Variants in UGGT1 observed in about 807,000 individuals in gnomAD.
UGGT1 encodes the protein UDP-glucose glycoprotein glucosyltransferase 1.
A neutral mutation model predicts 203.9 loss-of-function variants in UGGT1; 107 were observed. That is an observed-to-expected ratio of 0.52 (90% CI 0.45 to 0.62). The LOEUF (loss-of-function observed/expected upper bound fraction) is 0.62, where lower values mean the gene tolerates loss of function less well. Among genes scored for constraint, UGGT1 ranks in the 20% least tolerant of loss-of-function variants. The pLI is 0.00. For missense variants in UGGT1, 1,673 were observed against 1,867.2 expected (o/e 0.90, Z 1.92); for synonymous variants, 628 against 653.5 (o/e 0.96, Z 0.59).
rs763696808 is a variant in UGGT1 at position 128,113,224 on chromosome 2, G to C, written c.662G>C (p.Gly221Ala). 5.6e-5 allele frequency: 90 copies of C among 1,611,794 alleles called. No homozygotes were observed. Among genetic ancestry groups the C allele is most frequent in the Middle Eastern group, 1.6e-4 (1 of 6,074 alleles). The change falls in exon 6 of 41, where the codon GGC becomes GCC. Residue 221 changes from glycine (G) to alanine (A), a missense_variant. Gly to Ala is a moderately conservative substitution (Grantham distance 60, BLOSUM62 0). Transcript: ENST00000259253. ...CAGCTTATATCAAAAAGCAATGCAGGCAAAATCAATTATGTATTCAGACAT... is the reference window on the plus strand; with the variant it reads ...CAGCTTATATCAAAAAGCAATGCAGCCAAAATCAATTATGTATTCAGACAT... Reference protein sequence around the residue: ...HRQLISKSNAGKINYVFRHYI... With the variant: ...HRQLISKSNAAKINYVFRHYI...
At chr2:128,133,906 T>G (rs1476900712) in intron 14 of UGGT1, among the ~76,000 whole-genome samples, 1 of 152,184 alleles carries the variant, frequency 6.6e-6, no homozygotes, top group Non-Finnish European at 1.5e-5. Context: ...TGGCCCACTT[T>G]TTCCCTCTCA....
At chr2:128,176,963 G>GT in intron 32 of UGGT1, 65 bp downstream of exon 32, 1 of 1,484,010 alleles carries the variant, frequency 6.7e-7, no homozygotes, top group Non-Finnish European at 9.4e-7. Context: ...TATGTATCTT[G>GT]GAACCAGCCC....
chr2:128,101,201 C>T (rs1207187240), intron 2 of UGGT1, among the ~76,000 whole-genome samples: 1 of 152,140 alleles, frequency 6.6e-6, no homozygotes, highest in African/African-American at 2.4e-5. Context: ...TAGCAGAGCC[C>T]ACCATTCTTC....
intron 38 of UGGT1, 120 bp downstream of exon 38, chr2:128,183,909 GGTGTGT>G (rs558911313): frequency 3.5e-5 from 12 of 340,418 alleles, no homozygotes; most frequent in African/African-American, 1.5e-4. Context: ...GTTTTTTCAT[GGTGTGT>G]GTGTGTGTGT....
At chr2:128,109,089 G>A (rs912034346) in intron 4 of UGGT1, among the ~76,000 whole-genome samples, 6 of 151,954 alleles carry the variant, frequency 3.9e-5, no homozygotes, top group Non-Finnish European at 8.8e-5. Context: ...ACAGGATTTC[G>A]CCGTGTTGGC....
At position 128,170,426 on chromosome 2, in the gene UGGT1, G is replaced by A. The variant is rs745808179; in HGVS notation, c.3024+36G>A. On this transcript the variant is annotated intron_variant, in intron 27 of 40. Coordinates refer to ENST00000259253, the MANE Select transcript of UGGT1 (RefSeq NM_020120.4). ...TGTGCAGGAAGTGTACATCACCTTT[G>A]TTTGAAGTTGTCACATGCTCTGAAA... 8.2e-6 allele frequency: 13 copies of A among 1,576,830 alleles called. No individual in the cohort carries two copies. In the African/African-American group the frequency reaches 1.6e-4, roughly 20 times the overall value.
chr2:128,093,825 CA>C (rs1482634502), intron 1 of UGGT1, among the ~76,000 whole-genome samples: 1 of 152,184 alleles, frequency 6.6e-6, no homozygotes, highest in Admixed American at 6.5e-5. Context: ...AGTGGAGATG[CA>C]TGCAGCATAT....
Position 128,173,902 on chromosome 2 carries a change from A to G in UGGT1, c.3416A>G (p.Asn1139Ser), listed in dbSNP as rs73955974. The G allele has an allele frequency of 9.2e-4, 1,482 of 1,614,040 alleles. 10 individuals are homozygous for G. In the African/African-American group the frequency reaches 0.015, roughly 16 times the overall value. ...CAGTTTACCTTAGGAACTTCAGCCAACCCGGTCATTGTGGACACCATTGTT... is the reference window on the plus strand; with the variant it reads ...CAGTTTACCTTAGGAACTTCAGCCAGCCCGGTCATTGTGGACACCATTGTT... Reference protein sequence around the residue: ...GLQFTLGTSANPVIVDTIVMA... With the variant: ...GLQFTLGTSASPVIVDTIVMA... Residue 1139 changes from asparagine to serine, a missense_variant, in exon 30 of 41, where the codon AAC becomes AGC. Physicochemically the swap from Asn to Ser is conservative, Grantham distance 46 (BLOSUM62 1). Transcript: ENST00000259253.
intron 30 of UGGT1, among the ~76,000 whole-genome samples, chr2:128,174,216 G>A (rs946172001): frequency 6.6e-6 from 1 of 151,976 alleles, no homozygotes; most frequent in African/African-American, 2.4e-5. Context: ...CTTTGGAAGT[G>A]CAACACTTAT....
intron 1 of UGGT1, among the ~76,000 whole-genome samples, chr2:128,096,053 A>G (rs1355022480): frequency 6.6e-6 from 1 of 152,134 alleles, no homozygotes; most frequent in African/African-American, 2.4e-5. Flanking sequence ...TGGACTTTGG[A>G]GATGAAAATC....
chr2:128,143,621 A>G (rs1689542773), intron 17 of UGGT1, among the ~76,000 whole-genome samples: 2 of 152,206 alleles, frequency 1.3e-5, no homozygotes, highest in African/African-American at 4.8e-5. Context: ...GATTGTGCTG[A>G]AAAATTGAAT....
intron 37 of UGGT1, 147 bp downstream of exon 37, chr2:128,182,437 T>A: frequency 2.8e-6 from 3 of 1,078,550 alleles, no homozygotes; most frequent in Admixed American, 3.2e-5. Context: ...CAGTGGCTCA[T>A]GCCTTAATCC....
In UGGT1 at chr2:128,159,667, G is replaced by A; in HGVS notation, c.2509G>A (p.Gly837Arg). 2 of 1,614,092 alleles carry A rather than the reference G, an allele frequency of 1.2e-6. No individual in the cohort carries two copies. The highest frequency in any genetic ancestry group is 1.1e-5 in the South Asian group (1 of 91,066). ...CTTCATCACCAAAATGGCCAAGGAG[G>A]GGGCTGCAGAGGCCCTGGCTGCAGG... ...KNFITKMAKE[G>R]AAEALAAGAD... is the part of the protein sequence containing the mutation. Residue 837 changes from glycine to arginine, a missense_variant, in exon 23 of 41, where the codon GGG becomes AGG. Physicochemically the swap from Gly to Arg is moderately radical, Grantham distance 125. This residue lies in a region of UGGT1 where 1,073 missense variants were observed against 1,078.7 expected (regional missense o/e 0.99). Transcript: ENST00000259253.
chr2:128,126,494 G>A (rs1310278847), intron 11 of UGGT1, among the ~76,000 whole-genome samples: 5 of 151,934 alleles, frequency 3.3e-5, no homozygotes, highest in South Asian at 4.2e-4. Context: ...CACCCGCCTC[G>A]GCCTCTCAAA....
chr2:128,145,767 A>C, intron 17 of UGGT1, 36 bp from the exon 18 acceptor site: 1 of 1,499,998 alleles, frequency 6.7e-7, no homozygotes, highest in Non-Finnish European at 8.9e-7. Flanking sequence ...CACAAAAGGC[A>C]AAAATATACT....
intron 3 of UGGT1, among the ~76,000 whole-genome samples, chr2:128,106,279 T>C (rs1306117282): frequency 6.6e-6 from 1 of 151,418 alleles, no homozygotes; most frequent in East Asian, 1.9e-4. Flanking sequence ...ATTTGAACTT[T>C]GACATTTAAA....
chr2:128,105,748 C>T lies in UGGT1; in HGVS notation c.277+1734C>T, dbSNP rs373268172. Among the ~76,000 whole-genome samples, 19 of 152,198 alleles carry T rather than the reference C, an allele frequency of 1.2e-4. No homozygotes were observed. The East Asian group carries it at 1.5e-3, about 12-fold the overall frequency. ...CACGCTGGTCTCAAACTCCTGACCTCAGGCAATCCACCCACCTCAGCCTCC... is the reference window on the plus strand; with the variant it reads ...CACGCTGGTCTCAAACTCCTGACCTTAGGCAATCCACCCACCTCAGCCTCC... On this transcript the variant is annotated intron_variant, in intron 3 of 40. Transcript: ENST00000259253.
At chr2:128,147,282 T>C (rs2105470548) in intron 18 of UGGT1, among the ~76,000 whole-genome samples, 1 of 152,340 alleles carries the variant, frequency 6.6e-6, no homozygotes, top group East Asian at 1.9e-4. Flanking sequence ...ATTGAGCCTC[T>C]CTAGTGAATG....
rs555113709 is a variant in UGGT1, at chr2:128,122,928, A to G, written c.1074-258A>G. On this transcript the variant is annotated intron_variant, in intron 10 of 40. Coordinates refer to ENST00000259253, the MANE Select transcript of UGGT1 (RefSeq NM_020120.4). ...GAGATCATATATAGAAATGGGGTGC[A>G]TATGTTTTAAGAACTTGGAAACAAC... Among the ~76,000 whole-genome samples the G allele has an allele frequency of 2.6e-5, 4 of 152,306 alleles. No individual in the cohort carries two copies. The East Asian group carries it at 7.7e-4, about 29-fold the overall frequency.
Sources: allele counts gnomAD v4.1 joint callset (sites outside exome capture counted in the v4.1 genomes callset), GRCh38; gene constraint gnomAD v4.1.1; regional missense constraint gnomAD v4.1.1; transcripts MANE v1.5; gene names NCBI Gene and HGNC (gene_info 2026-07-23, HGNC 2026-07-21).